IPO11: variants seen among roughly 807,000 people sequenced by gnomAD.
The protein encoded by IPO11 is importin-11.
A neutral mutation model predicts 143.2 loss-of-function variants in IPO11; 66 were observed. The observed-to-expected ratio is 0.46, with a 90% CI of 0.38 to 0.57. The LOEUF (loss-of-function observed/expected upper bound fraction) is 0.57, where lower values mean the gene tolerates loss of function less well. Among genes scored for constraint, IPO11 ranks in the 20% least tolerant of loss-of-function variants. IPO11 has a pLI of 0.00. For missense variants in IPO11, 1,026 were observed against 1,141.0 expected (o/e 0.90, Z 1.45); for synonymous variants, 385 against 377.8 (o/e 1.02, Z -0.22).
chr5:62,548,555 G>T (rs571096349), intron 24 of IPO11, among the ~76,000 whole-genome samples: 1 of 152,224 alleles, frequency 6.6e-6, no homozygotes, highest in East Asian at 1.9e-4. Context: ...TCGTTCTCCT[G>T]GATTGGGCAT....
chr5:62,487,499 C>G (rs902292380), intron 12 of IPO11, among the ~76,000 whole-genome samples: 2 of 152,024 alleles, frequency 1.3e-5, no homozygotes, highest in African/African-American at 4.8e-5. Flanking sequence ...TTAAAATGTA[C>G]ACTTTGCTTG....
At chr5:62,415,825 C>A (rs930306286) in intron 1 of IPO11, among the ~76,000 whole-genome samples, 4 of 152,128 alleles carry the variant, frequency 2.6e-5, no homozygotes, top group Admixed American at 2.0e-4. Flanking sequence ...AAATGAAATA[C>A]ATTGAGTGGG....
chr5:62,479,262 T>C (rs1210648930), intron 9 of IPO11, among the ~76,000 whole-genome samples: 1 of 152,194 alleles, frequency 6.6e-6, no homozygotes, highest in Non-Finnish European at 1.5e-5. Context: ...CAAAAGGACG[T>C]GAACTCATCC....
intron 1 of IPO11, among the ~76,000 whole-genome samples, chr5:62,430,583 A>G (rs1743947085): frequency 6.6e-6 from 1 of 152,100 alleles, no homozygotes; most frequent in Non-Finnish European, 1.5e-5. Flanking sequence ...CAGCCTCCCA[A>G]CATGCTGGGA....
At chr5:62,519,046 G>A (rs922435614) in intron 20 of IPO11, among the ~76,000 whole-genome samples, 5 of 152,134 alleles carry the variant, frequency 3.3e-5, no homozygotes, top group Non-Finnish European at 7.3e-5. Flanking sequence ...TGGAGGGTGA[G>A]GCGGGGCACA....
chr5:62,621,271 G>A (rs1483180454), intron 29 of IPO11, among the ~76,000 whole-genome samples: 2 of 152,162 alleles, frequency 1.3e-5, no homozygotes, highest in African/African-American at 2.4e-5. Context: ...CTTGTCACAC[G>A]ACCAGGAAGG....
chr5:62,610,549 A>G (rs1745890693), intron 29 of IPO11, among the ~76,000 whole-genome samples: 1 of 152,202 alleles, frequency 6.6e-6, no homozygotes, highest in Non-Finnish European at 1.5e-5. Flanking sequence ...CATAAGGCCC[A>G]GTTTATAAAA....
intron 29 of IPO11, among the ~76,000 whole-genome samples, chr5:62,602,483 C>G (rs1202331159): frequency 3.3e-5 from 5 of 152,078 alleles, no homozygotes; most frequent in Admixed American, 6.6e-5. Flanking sequence ...CTGGCCTCAT[C>G]ATTTAACTAA....
At chr5:62,418,488 C>T (rs140493900) in intron 1 of IPO11, among the ~76,000 whole-genome samples, 55 of 152,280 alleles carry the variant, frequency 3.6e-4, no homozygotes, top group African/African-American at 1.3e-3. Flanking sequence ...TAAGTGTTTC[C>T]AGTACAGTAA....
At chr5:62,501,150 C>A (rs1360628410) in intron 16 of IPO11, among the ~76,000 whole-genome samples, 1 of 152,172 alleles carries the variant, frequency 6.6e-6, no homozygotes, top group Non-Finnish European at 1.5e-5. Context: ...CTTTGAAACT[C>A]TTCTGTCTTT....
At chr5:62,491,729 G>A (rs1345895453) in intron 15 of IPO11, among the ~76,000 whole-genome samples, 7 of 148,948 alleles carry the variant, frequency 4.7e-5, no homozygotes, top group East Asian at 2.0e-4. Context: ...GCAGTGGCGC[G>A]ATCTCGACTC....
intron 27 of IPO11, among the ~76,000 whole-genome samples, chr5:62,567,203 G>A (rs1743974196): frequency 6.6e-6 from 1 of 152,056 alleles, no homozygotes; most frequent in Admixed American, 6.6e-5. Context: ...AGTATTCTTG[G>A]TTGCCCTTTC....
chr5:62,452,758 G>GTGTGTA lies in IPO11; in HGVS notation c.516+827_516+828insTGTATG, dbSNP rs797020141. On this transcript the variant is annotated intron_variant, in intron 5 of 29. Coordinates refer to ENST00000325324, the MANE Select transcript of IPO11 (RefSeq NM_016338.5). ...TGTGTGTGTGTGTGTGTGTGTGTGT[G>GTGTGTA]TGCACGCATTTTGAGACGGGGTTTT... Among the ~76,000 whole-genome samples, 606 of 142,870 alleles carry GTGTGTA rather than the reference G, an allele frequency of 4.2e-3. 33 individuals carry two copies. The highest frequency in any genetic ancestry group is 0.016 in the African/African-American group (565 of 35,948). 93.7% of individuals were successfully genotyped at this position (142,870 alleles called of 152,430 possible).
chr5:62,559,275 T>A (rs1367451101), intron 26 of IPO11, among the ~76,000 whole-genome samples: 1 of 152,060 alleles, frequency 6.6e-6, no homozygotes, highest in African/African-American at 2.4e-5. Context: ...GAAGACTGAA[T>A]GGTCCTCAGA....
At chr5:62,479,939 TTTAA>T (rs1283148861) in intron 9 of IPO11, among the ~76,000 whole-genome samples, 2 of 152,216 alleles carry the variant, frequency 1.3e-5, no homozygotes, top group South Asian at 2.1e-4. Flanking sequence ...AGCTCTTTAG[TTTAA>T]TTAGCTCCCA....
At position 62,585,030 on chromosome 5, in the gene IPO11, T is replaced by C. The variant is rs146119343; in HGVS notation, c.2583-6547T>C. Among the ~76,000 whole-genome samples, 66 of 152,330 alleles carry C rather than the reference T, an allele frequency of 4.3e-4. 1 individual carries two copies. Among genetic ancestry groups the C allele is most frequent in the African/African-American group, 1.5e-3 (63 of 41,586 alleles). On this transcript the variant is annotated intron_variant, in intron 27 of 29. Coordinates refer to ENST00000325324, the MANE Select transcript of IPO11 (RefSeq NM_016338.5). ...CTGAATAATGTGGAGACCTTACGTA[T>C]ATATGTTGTCTTCCTGTTTTCTTTG...
chr5:62,594,037 CA>C (rs962073495), intron 28 of IPO11, among the ~76,000 whole-genome samples: 49 of 152,226 alleles, frequency 3.2e-4, no homozygotes, highest in African/African-American at 1.1e-3. Context: ...ACAGTTTATT[CA>C]AAAAAGTTAA....
intron 29 of IPO11, among the ~76,000 whole-genome samples, chr5:62,606,480 TAAAAAAAAAAAAAAAAAA>T (rs760722973): frequency 1.8e-5 from 1 of 56,106 alleles, no homozygotes; most frequent in Non-Finnish European, 2.9e-5. Flanking sequence ...GACCCTGTCT[TAAAAAAAAAAAAAAAAAA>T]AAAAAAAAGG....
At chr5:62,590,485 G>C (rs1478781942) in intron 27 of IPO11, among the ~76,000 whole-genome samples, 1 of 152,142 alleles carries the variant, frequency 6.6e-6, no homozygotes, top group Non-Finnish European at 1.5e-5. Context: ...ATGCAAGAAT[G>C]ACTTTAAATA....
Sources: gnomAD v4.1 joint callset for allele counts (sites outside exome capture counted in the v4.1 genomes callset) on GRCh38, gnomAD v4.1.1 for gene constraint, MANE v1.5 for transcripts, NCBI Gene and HGNC (gene_info 2026-07-23, HGNC 2026-07-21) for gene names.